FGF13: variants seen among roughly 807,000 people sequenced by gnomAD.
The protein encoded by FGF13 is fibroblast growth factor 13, also known as fibroblast growth factor homologous factor 2.
In FGF13, 2 loss-of-function variants were observed where a neutral mutation model predicts 19.5. The observed-to-expected ratio is 0.10, with a 90% confidence interval of 0.04 to 0.32. The LOEUF is 0.32. FGF13 is among the 10% of genes least tolerant of loss of function. The pLI is 1.00. For missense variants in FGF13, 113 were observed against 192.7 expected (o/e 0.59, Z 2.45); for synonymous variants, 72 against 76.9 (o/e 0.94, Z 0.33).
chrX:138,947,136 A>G (rs1042986179), intron 1 of FGF13, among the ~76,000 whole-genome samples: 6 of 111,836 alleles, frequency 5.4e-5, no homozygotes, highest in African/African-American at 1.9e-4. Flanking sequence ...TCAGTTGTTT[A>G]AGTTTCCATG....
chrX:138,792,793 T>C (rs1006968328), intron 3 of FGF13, among the ~76,000 whole-genome samples: 3 of 111,154 alleles, frequency 2.7e-5, no homozygotes, highest in African/African-American at 9.8e-5. Flanking sequence ...TACATCCTGG[T>C]TTCCTGTATT....
At chrX:138,709,616 T>C (rs927382551) in intron 1 of FGF13, among the ~76,000 whole-genome samples, 37 of 112,273 alleles carry the variant, frequency 3.3e-4, no homozygotes, top group Non-Finnish European at 2.6e-4. Context: ...TCAAATTTCA[T>C]ATCAGAAGTA....
chrX:139,147,803 C>T (rs745506553), intron 1 of FGF13, among the ~76,000 whole-genome samples: 1 of 110,585 alleles, frequency 9.0e-6, no homozygotes, highest in East Asian at 2.9e-4. Context: ...AGGGTTGATC[C>T]TAATTAAGTA....
At chrX:138,833,476 C>A (rs1454848619) in intron 3 of FGF13, among the ~76,000 whole-genome samples, 1 of 111,552 alleles carries the variant, frequency 9.0e-6, no homozygotes, top group Non-Finnish European at 1.9e-5. Flanking sequence ...TGTTGGTGTA[C>A]AGGAATGCTA....
chrX:138,943,362 G>A (rs1383133275), intron 1 of FGF13, among the ~76,000 whole-genome samples: 1 of 112,377 alleles, frequency 8.9e-6, no homozygotes, highest in Admixed American at 9.4e-5. Context: ...CACCCTGCAT[G>A]TAGGACAGTA....
At chrX:138,784,883 C>T (rs754181621) in intron 3 of FGF13, among the ~76,000 whole-genome samples, 16 of 112,221 alleles carry the variant, frequency 1.4e-4, no homozygotes, top group Non-Finnish European at 2.6e-4. Flanking sequence ...TCTCTTCCTA[C>T]TTCACTGCTG....
At chrX:139,017,890 G>A (rs1416437637) in intron 1 of FGF13, among the ~76,000 whole-genome samples, 1 of 111,706 alleles carries the variant, frequency 9.0e-6, no homozygotes, top group African/African-American at 3.3e-5. Context: ...TTTTTGTGGA[G>A]ATGGGAAGAT....
At chrX:138,876,169 A>C (rs2091388285) in intron 1 of FGF13, among the ~76,000 whole-genome samples, 1 of 112,145 alleles carries the variant, frequency 8.9e-6, no homozygotes, top group Admixed American at 9.5e-5. Flanking sequence ...CATTGTAAAA[A>C]TCAGTTCTCT....
At position 138,814,197 on chromosome X, in the gene FGF13, A is replaced by G. The variant is rs1028889277; in HGVS notation, c.217+43315T>C. On this transcript the variant is annotated intron_variant, in intron 3 of 6. Transcript: ENST00000436198. ...TAATATAATCCCAATAAAAATAACA[A>G]TAAGTTATTTTTAGAATTAGACAAG... is the stretch of plus-strand genomic sequence containing the variant. 9.0e-5 allele frequency among the ~76,000 whole-genome samples: 10 copies of G among 110,517 alleles called. 1 individual carries two copies. Among genetic ancestry groups the G allele is most frequent in the Non-Finnish European group, 1.9e-4 (10 of 52,835 alleles).
chrX:139,050,392 G>C (rs151061655), intron 1 of FGF13, among the ~76,000 whole-genome samples: 1 of 111,818 alleles, frequency 8.9e-6, no homozygotes, highest in South Asian at 3.7e-4. Context: ...AGTGCCAAAC[G>C]CAGAGCCTTG....
At chrX:138,646,394 A>T (rs2089306850) in intron 3 of FGF13, among the ~76,000 whole-genome samples, 1 of 111,474 alleles carries the variant, frequency 9.0e-6, no homozygotes, top group Non-Finnish European at 1.9e-5. Context: ...TGGTACTGGC[A>T]TGTGATATTT....
chrX:138,910,966 G>A (rs1364441984), intron 1 of FGF13, among the ~76,000 whole-genome samples: 1 of 110,464 alleles, frequency 9.1e-6, no homozygotes, highest in Non-Finnish European at 1.9e-5. Context: ...ATACTTACCA[G>A]TGTCCTACAA....
upstream of FGF13, among the ~76,000 whole-genome samples, chrX:138,743,818 T>C (rs147273999): frequency 3.7e-3 from 409 of 111,499 alleles, no homozygotes; most frequent in African/African-American, 9.5e-3. Flanking sequence ...TTTTTGCCTA[T>C]GTGGAAACTC....
At chrX:138,984,523 G>GAAGAAGAACAAGAAGAAGAA (rs2091979498) in intron 1 of FGF13, among the ~76,000 whole-genome samples, 1 of 31,578 alleles carries the variant, frequency 3.2e-5, no homozygotes, top group African/African-American at 1.2e-4. Context: ...AAGAAGAAGA[G>GAAGAAGAACAAGAAGAAGAA]GAAGAAGAAG....
chrX:139,080,223 A>G (rs1829887743), intron 1 of FGF13, among the ~76,000 whole-genome samples: 1 of 111,520 alleles, frequency 9.0e-6, no homozygotes, highest in African/African-American at 3.3e-5. Flanking sequence ...TCTAACCAAG[A>G]TCACCAACCT....
rs760389265 is a variant in FGF13 at position 139,174,006 on chromosome X, A to T, written c.-113+29410T>A. Among the ~76,000 whole-genome samples the T allele has an allele frequency of 1.5e-3, 164 of 112,265 alleles. 4 individuals carry two copies. The Middle Eastern group carries it at 0.037, about 25-fold the overall frequency. ...TCTTCCACAATGGTTGAACTAGTTT[A>T]CAGTCCCACCAACAGTGTAAAAGCA... On this transcript the variant is annotated intron_variant, in intron 1 of 2. Transcript: ENST00000421460.
At chrX:139,204,047 G>A, upstream of FGF13, 1 of 1,208,750 alleles carries the variant, frequency 8.3e-7, no homozygotes, top group Non-Finnish European at 1.1e-6. Flanking sequence ...CGGACTCGGC[G>A]GGCGGGCTTA....
intron 3 of FGF13, among the ~76,000 whole-genome samples, chrX:138,673,365 C>T (rs1004709565): frequency 7.2e-5 from 8 of 110,590 alleles, no homozygotes; most frequent in East Asian, 5.8e-4. Flanking sequence ...ACGTAGCCCG[C>T]GGAAAAACTG....
At chrX:138,668,459 A>G (rs188669449) in intron 3 of FGF13, among the ~76,000 whole-genome samples, 1 of 110,523 alleles carries the variant, frequency 9.0e-6, no homozygotes, top group African/African-American at 3.3e-5. Context: ...AAGGGGAAGA[A>G]GTGGGGGAGG....
Sources: gnomAD v4.1 joint callset for allele counts (sites outside exome capture counted in the v4.1 genomes callset) on GRCh38, gnomAD v4.1.1 for gene constraint, MANE v1.5 for transcripts, NCBI Gene and HGNC (gene_info 2026-07-23, HGNC 2026-07-21) for gene names.